The following CEP128 variants were observed in gnomAD, a reference collection of about 807,000 sequenced individuals.
CEP128 encodes the protein centrosomal protein 128kDa.
A neutral mutation model predicts 156.7 loss-of-function variants in CEP128; 132 were observed. The ratio of observed to expected loss-of-function variants is 0.84; its 90% CI spans 0.73 to 0.97. The LOEUF (loss-of-function observed/expected upper bound fraction) is 0.97. Ranked by LOEUF, CEP128 falls within the 50% of genes least tolerant of loss-of-function variation. The probability of loss-of-function intolerance (pLI) is 0.00; values close to 1 mark genes in which losing one functional copy is unlikely to be tolerated. For missense variants in CEP128, 1,252 were observed against 1,281.9 expected (o/e 0.98, Z 0.36); for synonymous variants, 469 against 448.9 (o/e 1.04, Z -0.57).
At chr14:80,481,209 C>T (rs4899768) in intron 14 of CEP128, among the ~76,000 whole-genome samples, 52,203 of 152,070 alleles carry the variant, frequency 0.34, 9,273 homozygotes, top group Admixed American at 0.43. Flanking sequence ...CAGTTCTGCA[C>T]GGCTGGGGAG....
intron 19 of CEP128, among the ~76,000 whole-genome samples, chr14:80,606,224 G>A (rs1892772682): frequency 6.6e-6 from 1 of 152,074 alleles, no homozygotes; most frequent in African/African-American, 2.4e-5. Flanking sequence ...TATCTTTAAA[G>A]GCTACTTGTT....
intron 14 of CEP128, 48 bp downstream of exon 14, chr14:80,792,712 T>C: frequency 2.1e-6 from 3 of 1,457,450 alleles, no homozygotes; most frequent in Non-Finnish European, 1.9e-6. Flanking sequence ...GATGAATGAA[T>C]GGTTGAATCA....
chr14:80,829,168 AT>A (rs1310263302), intron 13 of CEP128, among the ~76,000 whole-genome samples: 2 of 152,210 alleles, frequency 1.3e-5, no homozygotes, highest in Non-Finnish European at 2.9e-5. Flanking sequence ...TTTATGAAAA[AT>A]AAAGGAAAAT....
intron 2 of CEP128, chr14:80,955,528 C>T: frequency 1.1e-6 from 1 of 906,312 alleles, no homozygotes; most frequent in African/African-American, 1.6e-5. Context: ...TCTCCAGCCT[C>T]CTCCACAGTG....
At chr14:80,940,602 C>A (rs1886092959) in intron 1 of CEP128, among the ~76,000 whole-genome samples, 1 of 151,450 alleles carries the variant, frequency 6.6e-6, no homozygotes, top group Non-Finnish European at 1.5e-5. Flanking sequence ...TCGCTTGAAC[C>A]CAAGAGGTGG....
At chr14:80,776,961 A>C (rs1342213839) in intron 16 of CEP128, among the ~76,000 whole-genome samples, 1 of 152,232 alleles carries the variant, frequency 6.6e-6, no homozygotes, top group Non-Finnish European at 1.5e-5. Context: ...GAAGTCACTC[A>C]ATAATTTTAC....
At chr14:80,729,955 G>C (rs534560802) in intron 19 of CEP128, among the ~76,000 whole-genome samples, 3 of 152,188 alleles carry the variant, frequency 2.0e-5, no homozygotes, top group Admixed American at 2.0e-4. Flanking sequence ...AACTCAGCAT[G>C]AACAAAGACA....
In CEP128 at chr14:80,834,558, C is replaced by T. The variant is rs543854099; in HGVS notation, c.1057+1647G>A. ...GATGAAAAACTCTACAATTGTTAAACGGTGAAGAAGTCCATTATCACATAT... is the reference window on the plus strand; with the variant it reads ...GATGAAAAACTCTACAATTGTTAAATGGTGAAGAAGTCCATTATCACATAT... On this transcript the variant is annotated intron_variant, in intron 12 of 24. Transcript: ENST00000555265. Among the ~76,000 whole-genome samples, 22 of 152,116 alleles carry T rather than the reference C, an allele frequency of 1.4e-4. No homozygotes were observed. In the South Asian group the frequency reaches 2.7e-3, roughly 19 times the overall value.
intron 13 of CEP128, among the ~76,000 whole-genome samples, chr14:80,821,986 C>G (rs925343569): frequency 6.6e-6 from 1 of 152,082 alleles, no homozygotes; most frequent in Non-Finnish European, 1.5e-5. Context: ...ACAAAACCAT[C>G]AGATCTCATG....
chr14:80,729,623 G>A (rs1318660576), intron 19 of CEP128, among the ~76,000 whole-genome samples: 1 of 151,930 alleles, frequency 6.6e-6, no homozygotes. Flanking sequence ...TTTTTATTGT[G>A]GTTGTACTAG....
chr14:80,621,608 T>C (rs1052389596), intron 19 of CEP128, among the ~76,000 whole-genome samples: 1 of 152,116 alleles, frequency 6.6e-6, no homozygotes, highest in Non-Finnish European at 1.5e-5. Context: ...ATATACACAT[T>C]AGAAAATTAG....
chr14:80,501,986 A>T (rs1264184314), intron 24 of CEP128, among the ~76,000 whole-genome samples: 1 of 152,164 alleles, frequency 6.6e-6, no homozygotes, highest in Admixed American at 6.5e-5. Flanking sequence ...CCTGGAAGTT[A>T]CCACCCTCAT....
upstream of CEP128, among the ~76,000 whole-genome samples, chr14:80,943,040 CCAGA>C (rs1221083103): frequency 5.3e-5 from 8 of 152,324 alleles, no homozygotes; most frequent in South Asian, 2.1e-4. Context: ...ATACACTCCA[CCAGA>C]CAGAGTTTAA....
chr14:80,645,084 C>T (rs998825505), intron 19 of CEP128, among the ~76,000 whole-genome samples: 2 of 152,048 alleles, frequency 1.3e-5, no homozygotes, highest in South Asian at 2.1e-4. Context: ...GATTTTTCAT[C>T]AACAAGTTGA....
chr14:80,908,091 T>C (rs1566708595), intron 4 of CEP128, among the ~76,000 whole-genome samples: 1 of 152,246 alleles, frequency 6.6e-6, no homozygotes, highest in Non-Finnish European at 1.5e-5. Context: ...ATCTGCCTTT[T>C]CAGCTCTGGC....
chr14:80,477,307 CT>C (rs973724780), exon 15 of CEP128: 12 of 152,092 alleles, frequency 7.9e-5, no homozygotes, highest in African/African-American at 2.9e-4. Context: ...ATTAAGGTTT[CT>C]TTGGGCTTTT....
At position 80,740,494 on chromosome 14, in the gene CEP128, CTAGATAGATAGATAGATAGA is replaced by C. The variant is rs200610505; in HGVS notation, c.2806+2561_2806+2580del. On this transcript the variant is annotated intron_variant, in intron 19 of 24. Transcript: ENST00000555265. ...CACACACACAGATTCATATTTATAT[CTAGATAGATAGATAGATAGA>C]TAGATAGATAGATAGATAGATAGAT... Among the ~76,000 whole-genome samples, 1,192 of 140,890 alleles carry C rather than the reference CTAGATAGATAGATAGATAGA, an allele frequency of 8.5e-3. 11 individuals are homozygous for C. The highest frequency in any genetic ancestry group is 0.028 in the Middle Eastern group (8 of 282). The allele number at this position is 140,890 out of a possible 152,430, so 92.4% of individuals were successfully genotyped here.
chr14:80,517,763 C>T (rs1263992983), intron 23 of CEP128, among the ~76,000 whole-genome samples: 1 of 152,110 alleles, frequency 6.6e-6, no homozygotes, highest in Non-Finnish European at 1.5e-5. Flanking sequence ...TGTTATAGCT[C>T]TACTAGAAGC....
chr14:80,924,488 A>T (rs1885040687), intron 2 of CEP128, among the ~76,000 whole-genome samples: 2 of 152,222 alleles, frequency 1.3e-5, no homozygotes, highest in South Asian at 4.1e-4. Context: ...GGAGAGAAGG[A>T]CATTTAAGTG....
Sources: allele counts gnomAD v4.1 joint callset (sites outside exome capture counted in the v4.1 genomes callset), GRCh38; gene constraint gnomAD v4.1.1; transcripts MANE v1.5; gene names NCBI Gene and HGNC (gene_info 2026-07-23, HGNC 2026-07-21).